EPHA3: variants seen among roughly 807,000 people sequenced by gnomAD.
The protein encoded by EPHA3 is EPH receptor A3.
A neutral mutation model predicts 107.1 loss-of-function variants in EPHA3; 42 were observed. That is an observed-to-expected ratio of 0.39 (90% confidence interval 0.31 to 0.51). The LOEUF is 0.51. Ranked by LOEUF, EPHA3 falls within the 20% of genes least tolerant of loss-of-function variation. The probability of loss-of-function intolerance (pLI) is 0.78; values close to 1 mark genes in which losing one functional copy is unlikely to be tolerated. For missense variants in EPHA3, 1,183 were observed against 1,211.2 expected (o/e 0.98, Z 0.35); for synonymous variants, 461 against 424.8 (o/e 1.09, Z -1.05).
chr3:89,378,100 T>C (rs142139023), intron 5 of EPHA3, among the ~76,000 whole-genome samples: 2,399 of 151,986 alleles, frequency 0.016, 64 homozygotes, highest in African/African-American at 0.055. Flanking sequence ...CATCACACAC[T>C]GGGGCCTGTC....
intron 15 of EPHA3, among the ~76,000 whole-genome samples, chr3:89,459,861 T>C (rs996995091): frequency 2.6e-5 from 4 of 152,156 alleles, no homozygotes; most frequent in African/African-American, 9.7e-5. Context: ...TGATAGAAAA[T>C]GCCACCATGA....
intron 2 of EPHA3, among the ~76,000 whole-genome samples, chr3:89,145,447 A>G (rs964942009): frequency 1.1e-4 from 17 of 151,774 alleles, no homozygotes; most frequent in African/African-American, 4.1e-4. Context: ...TATTTGAGCT[A>G]AATCAATTCT....
At chr3:89,454,205 G>T (rs1159777945) in intron 15 of EPHA3, among the ~76,000 whole-genome samples, 1 of 151,894 alleles carries the variant, frequency 6.6e-6, no homozygotes, top group Non-Finnish European at 1.5e-5. Flanking sequence ...TACCCCTGCT[G>T]GCCCCACATC....
intron 3 of EPHA3, among the ~76,000 whole-genome samples, chr3:89,297,581 T>G (rs1210288873): frequency 6.6e-6 from 1 of 152,192 alleles, no homozygotes; most frequent in Admixed American, 6.5e-5. Flanking sequence ...ATGAAATCAT[T>G]TATAATATTG....
chr3:89,319,525 A>G (rs1706991454), intron 3 of EPHA3, among the ~76,000 whole-genome samples: 1 of 151,994 alleles, frequency 6.6e-6, no homozygotes, highest in Non-Finnish European at 1.5e-5. Context: ...ACAGATGTTA[A>G]TATTACAAAC....
At chr3:89,345,706 G>A (rs61263861) in intron 5 of EPHA3, among the ~76,000 whole-genome samples, 2,140 of 143,586 alleles carry the variant, frequency 0.015, 49 homozygotes, top group African/African-American at 0.051. Context: ...GTGCTGGTGC[G>A]CTGCACCCAC....
intron 3 of EPHA3, among the ~76,000 whole-genome samples, chr3:89,303,952 G>T (rs1366457655): frequency 6.6e-6 from 1 of 152,106 alleles, no homozygotes; most frequent in Non-Finnish European, 1.5e-5. Flanking sequence ...AGCTCATTCT[G>T]TGTGGGTTTT....
intron 3 of EPHA3, among the ~76,000 whole-genome samples, chr3:89,237,731 C>T (rs1252074911): frequency 6.6e-6 from 1 of 151,884 alleles, no homozygotes; most frequent in Admixed American, 6.6e-5. Flanking sequence ...TTTTGGAGGC[C>T]AAGGCAGGAG....
intron 3 of EPHA3, among the ~76,000 whole-genome samples, chr3:89,291,766 T>A (rs1262441670): frequency 1.3e-5 from 2 of 152,184 alleles, no homozygotes; most frequent in Non-Finnish European, 2.9e-5. Flanking sequence ...AGATCAGAAC[T>A]GTTACCCTGT....
intron 13 of EPHA3, 23 bp from the exon 14 acceptor site, chr3:89,449,202 T>C (rs1338671470): frequency 5.7e-6 from 9 of 1,592,334 alleles, no homozygotes; most frequent in Non-Finnish European, 7.7e-6. Context: ...CTGATTTATG[T>C]AGACATGATT....
At chr3:89,288,106 G>A (rs1706131555) in intron 3 of EPHA3, among the ~76,000 whole-genome samples, 1 of 151,776 alleles carries the variant, frequency 6.6e-6, no homozygotes, top group South Asian at 2.1e-4. Context: ...ATCATCTTTT[G>A]TAAGATTCTA....
chr3:89,307,773 G>T (rs1385334573), intron 3 of EPHA3, among the ~76,000 whole-genome samples: 2 of 152,078 alleles, frequency 1.3e-5, no homozygotes, highest in Non-Finnish European at 2.9e-5. Flanking sequence ...GGTTGGTCTT[G>T]AACTCCTGGG....
intron 3 of EPHA3, among the ~76,000 whole-genome samples, chr3:89,257,072 T>C (rs1312843929): frequency 6.6e-6 from 1 of 152,206 alleles, no homozygotes; most frequent in Non-Finnish European, 1.5e-5. Context: ...GCTAAATTAT[T>C]TCACCATGTT....
At chr3:89,282,147 G>A (rs913761862) in intron 3 of EPHA3, among the ~76,000 whole-genome samples, 8 of 152,074 alleles carry the variant, frequency 5.3e-5, no homozygotes, top group Middle Eastern at 6.3e-3. Flanking sequence ...GTAAATATAG[G>A]CACTATCTTG....
At chr3:89,218,062 A>G (rs1704259686) in intron 3 of EPHA3, among the ~76,000 whole-genome samples, 1 of 152,206 alleles carries the variant, frequency 6.6e-6, no homozygotes, top group Non-Finnish European at 1.5e-5. Context: ...GTTTTATGGC[A>G]TACAGAATTG....
rs114977670 is a variant in EPHA3, at chr3:89,407,900, G to C, written c.1698-167G>C. Among the ~76,000 whole-genome samples, 1,421 of 152,232 alleles carry C rather than the reference G, an allele frequency of 9.3e-3. 23 individuals are homozygous for C. Among genetic ancestry groups the C allele is most frequent in the African/African-American group, 0.033 (1,357 of 41,548 alleles). ...CAGCTTTCCAGGGTTCCCAGAGAGA[G>C]GGGCTTTCTTCAGAGGATTTTGAAA... is the stretch of plus-strand genomic sequence containing the variant. On this transcript the variant is annotated intron_variant, in intron 8 of 16. Transcript: ENST00000336596.
chr3:89,241,837 A>T (rs1311571856), intron 3 of EPHA3, among the ~76,000 whole-genome samples: 2 of 152,204 alleles, frequency 1.3e-5, no homozygotes, highest in Non-Finnish European at 2.9e-5. Context: ...AAAAGAAAAC[A>T]TATTTTAAGA....
At chr3:89,151,812 A>C (rs1041408092) in intron 2 of EPHA3, among the ~76,000 whole-genome samples, 4 of 152,202 alleles carry the variant, frequency 2.6e-5, no homozygotes, top group Admixed American at 2.6e-4. Context: ...AAAGCATAGA[A>C]TTTAAATATT....
intron 2 of EPHA3, among the ~76,000 whole-genome samples, chr3:89,189,453 C>T (rs1433998977): frequency 6.6e-6 from 1 of 152,138 alleles, no homozygotes; most frequent in Non-Finnish European, 1.5e-5. Flanking sequence ...ATTAGCTGGG[C>T]ACGGTGGCGC....
Sources: allele counts gnomAD v4.1 joint callset (sites outside exome capture counted in the v4.1 genomes callset), GRCh38; gene constraint gnomAD v4.1.1; transcripts MANE v1.5; gene names NCBI Gene and HGNC (gene_info 2026-07-23, HGNC 2026-07-21).